Variants in GATAD2B observed in about 807,000 individuals in gnomAD.
The protein encoded by GATAD2B is GATA zinc finger domain containing 2B.
Under a neutral mutation model 64.3 loss-of-function variants are expected in GATAD2B, and 8 were observed. That is an observed-to-expected ratio of 0.12 (90% confidence interval 0.07 to 0.22). The LOEUF (loss-of-function observed/expected upper bound fraction) is 0.22. Ranked by LOEUF, GATAD2B falls within the 10% of genes least tolerant of loss-of-function variation. The pLI is 1.00. For missense variants in GATAD2B, 453 were observed against 752.0 expected (o/e 0.60, Z 4.65); for synonymous variants, 281 against 271.3 (o/e 1.04, Z -0.35).
chr1:153,834,153 C>T (rs1016786897), intron 1 of GATAD2B, among the ~76,000 whole-genome samples: 1 of 151,852 alleles, frequency 6.6e-6, no homozygotes, highest in Non-Finnish European at 1.5e-5. Context: ...CAAACGCCCA[C>T]CACCACGCCC....
At chr1:153,819,057 G>C (rs1301118214) in intron 3 of GATAD2B, 135 bp from the exon 4 acceptor site, 2 of 854,926 alleles carry the variant, frequency 2.3e-6, no homozygotes, top group East Asian at 2.7e-5. Context: ...GATTATCTTT[G>C]TATCACTGGA....
At chr1:153,859,351 C>G (rs112556547) in intron 1 of GATAD2B, among the ~76,000 whole-genome samples, 1 of 104,314 alleles carries the variant, frequency 9.6e-6, no homozygotes, top group Non-Finnish European at 1.9e-5. Context: ...TGGGTGGCTG[C>G]AAGACTTCAC....
chr1:153,830,271 C>T (rs1042386568), intron 1 of GATAD2B, among the ~76,000 whole-genome samples: 1 of 151,798 alleles, frequency 6.6e-6, no homozygotes, highest in African/African-American at 2.4e-5. Context: ...CCTCAGCCTC[C>T]CAAGTAGCTG....
intron 1 of GATAD2B, among the ~76,000 whole-genome samples, chr1:153,847,627 CT>C (rs1675734982): frequency 6.6e-6 from 1 of 151,922 alleles, no homozygotes; most frequent in East Asian, 1.9e-4. Flanking sequence ...TCAGGATTCA[CT>C]ATTTTTTTTT....
intron 1 of GATAD2B, among the ~76,000 whole-genome samples, chr1:153,832,534 G>GGTAC (rs1675114904): frequency 6.6e-6 from 1 of 152,168 alleles, no homozygotes; most frequent in African/African-American, 2.4e-5. Flanking sequence ...CAAAGTACAA[G>GGTAC]GTACAGCAGT....
chr1:153,916,277 G>GAAAAAAAA (rs200305010), intron 1 of GATAD2B, among the ~76,000 whole-genome samples: 3 of 92,602 alleles, frequency 3.2e-5, no homozygotes, highest in Admixed American at 9.9e-5. Context: ...TCCACCTCAA[G>GAAAAAAAA]AAAAAAAAAA....
In GATAD2B at chr1:153,853,063, C is replaced by CT. The variant is rs1319671045; in HGVS notation, c.-1-24716dup. 3.3e-6 allele frequency: 5 copies of CT among 1,511,160 alleles called. No homozygotes were observed. The African/African-American group carries it at 5.5e-5, about 17-fold the overall frequency. The allele number at this position is 1,511,160 out of a possible 1,614,324, so 93.6% of individuals were successfully genotyped here. A position where few individuals can be genotyped will look rare whatever the true frequency, so the allele number is the denominator to read the frequency against. ...CCAGTCACAGTAGTCGTCACAGCATCTTTTGCCCCAGTCACAGCACCTTTG... is the reference window on the plus strand; with the variant it reads ...CCAGTCACAGTAGTCGTCACAGCATCTTTTTGCCCCAGTCACAGCACCTTTG... On this transcript the variant is annotated intron_variant, in intron 1 of 10. Transcript: ENST00000368655.
intron 1 of GATAD2B, among the ~76,000 whole-genome samples, chr1:153,876,242 A>AAAAAAG (rs1676829346): frequency 6.8e-6 from 1 of 146,768 alleles, no homozygotes; most frequent in South Asian, 2.1e-4. Flanking sequence ...AAAAAAAAAA[A>AAAAAAG]AAAAAAAAAA....
chr1:153,878,537 T>C (rs1180253005), intron 1 of GATAD2B, among the ~76,000 whole-genome samples: 1 of 152,146 alleles, frequency 6.6e-6, no homozygotes, highest in African/African-American at 2.4e-5. Flanking sequence ...CTATTGCTTG[T>C]AAAGATGTGG....
intron 1 of GATAD2B, among the ~76,000 whole-genome samples, chr1:153,862,720 T>C (rs1374515614): frequency 1.4e-5 from 2 of 146,974 alleles, no homozygotes; most frequent in Admixed American, 6.8e-5. Context: ...ATCTCTACTT[T>C]ATTTCTTTTT....
chr1:153,901,552 C>T (rs765014276), intron 1 of GATAD2B, among the ~76,000 whole-genome samples: 4 of 151,956 alleles, frequency 2.6e-5, no homozygotes, highest in African/African-American at 4.8e-5. Flanking sequence ...CAACTGCGCC[C>T]GATGGCTCAC....
chr1:153,872,852 G>A (rs1403821115), intron 1 of GATAD2B, among the ~76,000 whole-genome samples: 1 of 152,098 alleles, frequency 6.6e-6, no homozygotes, highest in Admixed American at 6.6e-5. Context: ...ATATATAACA[G>A]AAGTGTTTTT....
chr1:153,810,391 A>G, intron 10 of GATAD2B, 81 bp from the exon 11 acceptor site: 1 of 1,436,240 alleles, frequency 7.0e-7, no homozygotes, highest in Non-Finnish European at 9.6e-7. Flanking sequence ...CGGGCTGCAG[A>G]GTTGGAGATG....
intron 1 of GATAD2B, chr1:153,898,982 CCT>C (rs1214452935): frequency 5.9e-5 from 9 of 152,242 alleles, no homozygotes; most frequent in South Asian, 2.1e-4. Flanking sequence ...TGAAGTTGCC[CCT>C]GATTTTAAAA....
intron 6 of GATAD2B, among the ~76,000 whole-genome samples, chr1:153,817,032 T>A (rs1271036916): frequency 6.6e-6 from 1 of 152,088 alleles, no homozygotes; most frequent in Non-Finnish European, 1.5e-5. Context: ...AGATTCCAGC[T>A]CAAAAAACAA....
rs1445724767 is a variant in GATAD2B, at chr1:153,816,461, G to A, written c.1028C>T (p.Thr343Ile). 1.2e-6 allele frequency: 2 copies of A among 1,614,136 alleles called. No individual in the cohort carries two copies. Among genetic ancestry groups the A allele is most frequent in the South Asian group, 1.1e-5 (1 of 91,090 alleles). Residue 343 changes from threonine (T) to isoleucine (I), a missense_variant, in exon 7 of 11, where the codon ACT (threonine) becomes ATT (isoleucine). Physicochemically the swap from Thr to Ile is moderately conservative, Grantham distance 89 (BLOSUM62 -1). Transcript: ENST00000368655. This position sits in a 1 kb window ranked among gnomAD's most constrained non-coding sequence, Gnocchi z 4.9. ...TGCAGCCTGTGAGTTGGCAGCATCA[G>A]TCATGGCGCTGGGGCTAGGAAGTGG... ...SSPLPSPSAMTDAANSQAAAK... is the reference protein window; with the variant it reads ...SSPLPSPSAMIDAANSQAAAK...
chr1:153,904,449 T>G (rs1315277620), intron 1 of GATAD2B, among the ~76,000 whole-genome samples: 3 of 152,132 alleles, frequency 2.0e-5, no homozygotes, highest in Non-Finnish European at 2.9e-5. Flanking sequence ...TTTTAAAATG[T>G]GAAAACAAAC....
Position 153,807,708 on chromosome 1 carries a change from TG to T in GATAD2B, c.*2468del, listed in dbSNP as rs1479793474. On this transcript the variant is annotated 3_prime_UTR_variant, in exon 11 of 11. Coordinates refer to ENST00000368655, the MANE Select transcript of GATAD2B (RefSeq NM_020699.4). ...CTTACTTCCAAACCCCATTCTAAGGTGGCCTGGCTCCCAGGGAAAGGACTCA... is the reference window on the plus strand; with the variant it reads ...CTTACTTCCAAACCCCATTCTAAGGTGCCTGGCTCCCAGGGAAAGGACTCA... 2 of 152,988 alleles carry T rather than the reference TG, an allele frequency of 1.3e-5. No individual in the cohort carries two copies. The highest frequency in any genetic ancestry group is 2.9e-5 in the Non-Finnish European group (2 of 68,338). The allele number at this position is 152,988 out of a possible 1,614,324, so 9.5% of individuals were successfully genotyped here. A position where few individuals can be genotyped will look rare whatever the true frequency, so the allele number is the denominator to read the frequency against.
intron 1 of GATAD2B, among the ~76,000 whole-genome samples, chr1:153,861,982 T>C (rs144375893): frequency 6.6e-6 from 1 of 150,590 alleles, no homozygotes; most frequent in African/African-American, 2.4e-5. Context: ...TTGTGGCTAA[T>C]ATACATGTGA....
Sources: gnomAD v4.1 joint callset for allele counts (sites outside exome capture counted in the v4.1 genomes callset) on GRCh38, gnomAD v4.1.1 for gene constraint, Gnocchi (gnomAD v3.1) non-coding constraint, MANE v1.5 for transcripts, NCBI Gene and HGNC (gene_info 2026-07-23, HGNC 2026-07-21) for gene names.